MAF: variants seen among roughly 807,000 people sequenced by gnomAD.
The protein encoded by MAF is transcription factor Maf.
Under a neutral mutation model 22.0 loss-of-function variants are expected in MAF, and 10 were observed. The ratio of observed to expected loss-of-function variants is 0.45; its 90% CI spans 0.28 to 0.77. MAF has a LOEUF of 0.77. Among genes scored for constraint, MAF ranks in the 30% least tolerant of loss-of-function variants. The pLI, the probability that MAF is intolerant of heterozygous loss-of-function variation, is 0.12. For synonymous variants in MAF, 337 were observed against 255.8 expected (o/e 1.32, Z -3.03); for missense variants, 544 against 548.4 (o/e 0.99, Z 0.08).
At chr16:79,544,338 G>A in the MAF span, among the ~76,000 whole-genome samples, 2 of 152,164 alleles carry the variant, frequency 1.3e-5, no homozygotes, top group Non-Finnish European at 2.9e-5. Flanking sequence ...GATGGCTACT[G>A]CATTGCACAA....
the MAF span, among the ~76,000 whole-genome samples, chr16:79,358,136 AG>A: frequency 6.6e-6 from 1 of 152,216 alleles, no homozygotes; most frequent in Non-Finnish European, 1.5e-5. Flanking sequence ...GAAGGGCAGC[AG>A]GGCCAGGAAT....
chr16:79,467,952 G>A, the MAF span, among the ~76,000 whole-genome samples: 3 of 152,056 alleles, frequency 2.0e-5, no homozygotes, highest in Non-Finnish European at 4.4e-5. Context: ...GGGGGTGGTT[G>A]TGGCTTGACC....
the MAF span, among the ~76,000 whole-genome samples, chr16:79,334,633 C>G: frequency 6.6e-6 from 1 of 152,140 alleles, no homozygotes; most frequent in African/African-American, 2.4e-5. Flanking sequence ...ATAGCAACAG[C>G]AGAGCATTCA....
chr16:79,293,204 C>T, the MAF span, among the ~76,000 whole-genome samples: 2 of 152,098 alleles, frequency 1.3e-5, no homozygotes, highest in South Asian at 4.2e-4. Flanking sequence ...GATCAGGATT[C>T]CTTTCTGGTA....
chr16:79,399,335 A>G, the MAF span, among the ~76,000 whole-genome samples: 4 of 152,148 alleles, frequency 2.6e-5, no homozygotes, highest in African/African-American at 9.7e-5. Context: ...AATTATTATT[A>G]TATCATCATC....
At chr16:79,430,065 C>T in the MAF span, among the ~76,000 whole-genome samples, 1 of 152,150 alleles carries the variant, frequency 6.6e-6, no homozygotes, top group Non-Finnish European at 1.5e-5. Context: ...AGGCATCCAC[C>T]CCGGGGCCCC....
the MAF span, among the ~76,000 whole-genome samples, chr16:79,484,505 T>C: frequency 9.5e-4 from 145 of 152,302 alleles, no homozygotes; most frequent in African/African-American, 3.2e-3. Context: ...TCAGCCAGGT[T>C]CACTTTTCAT....
At chr16:79,282,205 C>T in the MAF span, among the ~76,000 whole-genome samples, 18 of 152,290 alleles carry the variant, frequency 1.2e-4, no homozygotes, top group Middle Eastern at 3.4e-3. Context: ...AAAAGTCTGT[C>T]TAAACTGGGG....
At chr16:79,245,263 C>G in the MAF span, among the ~76,000 whole-genome samples, 2 of 151,944 alleles carry the variant, frequency 1.3e-5, no homozygotes, top group African/African-American at 4.8e-5. Context: ...AAGAAACTAT[C>G]GTTGGAGTGA....
the MAF span, among the ~76,000 whole-genome samples, chr16:79,462,283 C>T: frequency 1.3e-5 from 2 of 152,156 alleles, no homozygotes; most frequent in Non-Finnish European, 2.9e-5. Context: ...TTTATTACTC[C>T]CATTTTTAGG....
the MAF span, among the ~76,000 whole-genome samples, chr16:79,433,557 G>T: frequency 1.3e-5 from 2 of 151,724 alleles, no homozygotes; most frequent in Non-Finnish European, 2.9e-5. Flanking sequence ...GAAAATAATG[G>T]ACAGAAGAAC....
rs150881265 is a variant in MAF at position 79,598,728 on chromosome 16, C to G, written c.1118+57G>C. On this transcript the variant is annotated intron_variant, in intron 1 of 1. Coordinates refer to ENST00000326043, the MANE Select transcript of MAF (RefSeq NM_005360.5). ...AGAACTAGCAAGCCCACACCCGAGC[C>G]GGACCCCCGCGGAGCACTTATCAGG... The G allele has an allele frequency of 3.6e-4, 578 of 1,610,330 alleles. 4 individuals carry two copies. The African/African-American group carries it at 7.2e-3, about 20-fold the overall frequency.
At chr16:79,567,477 T>G in the MAF span, among the ~76,000 whole-genome samples, 2 of 152,246 alleles carry the variant, frequency 1.3e-5, no homozygotes, top group Non-Finnish European at 2.9e-5. Context: ...AGGGATTTTT[T>G]TGTTTTATCT....
the MAF span, among the ~76,000 whole-genome samples, chr16:79,539,451 C>T: frequency 1.3e-5 from 2 of 152,108 alleles, no homozygotes; most frequent in Non-Finnish European, 2.9e-5. Flanking sequence ...TTGCAGTGAG[C>T]CGAGATCGCG....
the MAF span, among the ~76,000 whole-genome samples, chr16:79,336,744 G>C: frequency 6.6e-6 from 1 of 152,166 alleles, no homozygotes. Context: ...GGGCACATGA[G>C]TCATGCATTT....
chr16:79,432,062 A>C, the MAF span, among the ~76,000 whole-genome samples: 1,875 of 152,282 alleles, frequency 0.012, 38 homozygotes, highest in African/African-American at 0.042. Flanking sequence ...CTTGAATTAT[A>C]ATCTCCAAAA....
the MAF span, among the ~76,000 whole-genome samples, chr16:79,213,940 C>G: frequency 6.6e-6 from 1 of 152,166 alleles, no homozygotes; most frequent in Non-Finnish European, 1.5e-5. Context: ...CCTCTCTAAT[C>G]TCAACTTCCA....
chr16:79,442,439 G>T, the MAF span, among the ~76,000 whole-genome samples: 13 of 152,236 alleles, frequency 8.5e-5, no homozygotes, highest in South Asian at 1.2e-3. Context: ...CAGCCCAGTT[G>T]TGGCTCACTG....
the MAF span, among the ~76,000 whole-genome samples, chr16:79,430,960 C>T: frequency 6.6e-6 from 1 of 152,204 alleles, no homozygotes; most frequent in Non-Finnish European, 1.5e-5. Flanking sequence ...AACAGGGTGA[C>T]AGGGAAGAGA....
Sources: gnomAD v4.1 joint callset for allele counts (sites outside exome capture counted in the v4.1 genomes callset) on GRCh38, gnomAD v4.1.1 for gene constraint, MANE v1.5 for transcripts, NCBI Gene and HGNC (gene_info 2026-07-23, HGNC 2026-07-21) for gene names.